The following UBE3A variants were observed in gnomAD, a reference collection of about 807,000 sequenced individuals.
UBE3A encodes the protein ubiquitin protein ligase E3A.
In UBE3A, 6 loss-of-function variants were observed where a neutral mutation model predicts 83.4. The ratio of observed to expected loss-of-function variants is 0.07; its 90% CI spans 0.04 to 0.14. The LOEUF is 0.14. UBE3A is among the 10% of genes least tolerant of loss of function. The pLI, the probability that UBE3A is intolerant of heterozygous loss-of-function variation, is 1.00. For missense variants in UBE3A, 456 were observed against 1,036.1 expected (o/e 0.44, Z 7.69); for synonymous variants, 337 against 355.4 (o/e 0.95, Z 0.58).
intron 6 of UBE3A, among the ~76,000 whole-genome samples, chr15:25,365,252 A>G (rs1014595526): frequency 3.3e-5 from 5 of 152,186 alleles, no homozygotes; most frequent in African/African-American, 9.7e-5. Context: ...TGACATCTTA[A>G]TATCAAAATA....
chr15:25,424,897 CATGA>C (rs1890884168), intron 1 of UBE3A, among the ~76,000 whole-genome samples: 1 of 152,126 alleles, frequency 6.6e-6, no homozygotes, highest in Non-Finnish European at 1.5e-5. Context: ...ATCCCATGCT[CATGA>C]ATGAGAAGAC....
chr15:25,435,291 T>C (rs755847317), intron 1 of UBE3A, among the ~76,000 whole-genome samples: 3 of 151,854 alleles, frequency 2.0e-5, no homozygotes, highest in Non-Finnish European at 2.9e-5. Flanking sequence ...CTATAAGCAT[T>C]CAAAAAAGAC....
At chr15:25,343,187 T>C (rs1019291941) in intron 11 of UBE3A, among the ~76,000 whole-genome samples, 1 of 152,046 alleles carries the variant, frequency 6.6e-6, no homozygotes, top group Non-Finnish European at 1.5e-5. Context: ...ACATCTGTTA[T>C]AGAAACATAA....
chr15:25,375,440 C>G (rs1439931211), intron 5 of UBE3A, 25 bp downstream of exon 5: 7 of 1,611,180 alleles, frequency 4.3e-6, no homozygotes, highest in Non-Finnish European at 5.9e-6. Context: ...GGCAACAATT[C>G]TCAATTGAAA....
chr15:25,349,804 C>T (rs1040226526), intron 11 of UBE3A, among the ~76,000 whole-genome samples: 4 of 152,144 alleles, frequency 2.6e-5, no homozygotes, highest in African/African-American at 9.7e-5. Context: ...ATAAGGGTTA[C>T]TTGAACACAA....
chr15:25,349,307 T>C (rs1325437819), intron 11 of UBE3A, among the ~76,000 whole-genome samples: 1 of 152,160 alleles, frequency 6.6e-6, no homozygotes, highest in Non-Finnish European at 1.5e-5. Context: ...GTTAAACCTA[T>C]ATTACACAAT....
chr15:25,402,069 T>C (rs915868934), intron 4 of UBE3A, among the ~76,000 whole-genome samples: 11 of 152,192 alleles, frequency 7.2e-5, no homozygotes, highest in Non-Finnish European at 1.2e-4. Context: ...AGGTGCCTTA[T>C]TGTGTTCCTT....
chr15:25,360,599 G>A, intron 6 of UBE3A, 72 bp from the exon 7 acceptor site: 2 of 1,540,248 alleles, frequency 1.3e-6, no homozygotes, highest in Non-Finnish European at 1.8e-6. Context: ...ATAAAAACAA[G>A]GAGTAGGATT....
At chr15:25,384,002 G>A (rs2082645145) in intron 4 of UBE3A, among the ~76,000 whole-genome samples, 1 of 151,968 alleles carries the variant, frequency 6.6e-6, no homozygotes, top group African/African-American at 2.4e-5. Context: ...AAAGTTACAG[G>A]ATATAAAAAC....
intron 12 of UBE3A, 117 bp from the exon 13 acceptor site, chr15:25,339,374 A>G (rs2152508396): frequency 7.7e-7 from 1 of 1,295,390 alleles, no homozygotes; most frequent in Non-Finnish European, 1.1e-6. Context: ...AATGCAAACT[A>G]TACATTAATG....
intron 2 of UBE3A, among the ~76,000 whole-genome samples, chr15:25,410,892 T>A (rs1418069705): frequency 1.3e-5 from 2 of 152,170 alleles, no homozygotes; most frequent in African/African-American, 4.8e-5. Context: ...TGATACAGCT[T>A]CCCCTTGGGT....
At chr15:25,356,667 T>C in intron 8 of UBE3A, 24 bp downstream of exon 8, 1 of 1,607,256 alleles carries the variant, frequency 6.2e-7, no homozygotes, top group African/African-American at 1.3e-5. Context: ...AGAGACTGAA[T>C]TAAAAAAATG....
rs2074035910 is a variant in UBE3A, at chr15:25,337,462, T to C, written c.*1675A>G. ...CCTTATCACAATATGGAAAGCATTG[T>C]CTTCTTTTTCCACTAAATTAAATTA... On this transcript the variant is annotated 3_prime_UTR_variant, in exon 13 of 13. Transcript: ENST00000648336. 1 of 152,164 alleles carries C rather than the reference T, an allele frequency of 6.6e-6. No homozygotes were observed. The highest frequency in any genetic ancestry group is 6.6e-5 in the Admixed American group (1 of 15,264). 9.4% of individuals were successfully genotyped at this position (152,164 alleles called of 1,614,324 possible).
At chr15:25,340,504 CTATT>C (rs1464792828) in intron 11 of UBE3A, among the ~76,000 whole-genome samples, 2 of 152,028 alleles carry the variant, frequency 1.3e-5, no homozygotes, top group East Asian at 1.9e-4. Flanking sequence ...CAGGAAGTGA[CTATT>C]TAAACTATGG....
At chr15:25,436,583 C>A (rs1209191243) in intron 1 of UBE3A, among the ~76,000 whole-genome samples, 1 of 151,856 alleles carries the variant, frequency 6.6e-6, no homozygotes, top group Non-Finnish European at 1.5e-5. Flanking sequence ...TAGAAATGAT[C>A]GAAATAGAAA....
At chr15:25,378,579 A>T (rs887681457) in intron 4 of UBE3A, among the ~76,000 whole-genome samples, 1 of 152,162 alleles carries the variant, frequency 6.6e-6, no homozygotes, top group East Asian at 1.9e-4. Flanking sequence ...AGAGAAATAG[A>T]ACTGGAGTCA....
In UBE3A at chr15:25,370,439, G is replaced by C. The variant is rs907785702; in HGVS notation, c.1608+127C>G. ...CAACAAAAGTATAATACTTATATAA[G>C]ATCAGAAATGTCCATGTGTTCCTAT... On this transcript the variant is annotated intron_variant, in intron 6 of 12. Transcript: ENST00000648336. This position sits in a 1 kb window ranked among gnomAD's most constrained non-coding sequence, Gnocchi z 4.2. 5 of 1,115,872 alleles carry C rather than the reference G, an allele frequency of 4.5e-6. No individual in the cohort carries two copies. The highest frequency in any genetic ancestry group is 1.8e-5 in the Admixed American group (1 of 56,692). 69.1% of individuals were successfully genotyped at this position (1,115,872 alleles called of 1,614,324 possible).
intron 3 of UBE3A, among the ~76,000 whole-genome samples, chr15:25,406,455 A>G (rs553202867): frequency 6.6e-6 from 1 of 152,140 alleles, no homozygotes; most frequent in Non-Finnish European, 1.5e-5. Flanking sequence ...ATTTCACGAG[A>G]TATGAATCAG....
At chr15:25,351,338 A>G (rs1407537557) in intron 11 of UBE3A, among the ~76,000 whole-genome samples, 1 of 152,244 alleles carries the variant, frequency 6.6e-6, no homozygotes, top group Non-Finnish European at 1.5e-5. Context: ...GTAACCCTCA[A>G]TGAATTAGCA....
Sources: gnomAD v4.1 joint callset for allele counts (sites outside exome capture counted in the v4.1 genomes callset) on GRCh38, gnomAD v4.1.1 for gene constraint, Gnocchi (gnomAD v3.1) non-coding constraint, MANE v1.5 for transcripts, NCBI Gene and HGNC (gene_info 2026-07-23, HGNC 2026-07-21) for gene names.